The following ARK2C variants were observed in gnomAD, a reference collection of about 807,000 sequenced individuals.
The protein encoded by ARK2C is E3 ubiquitin-protein ligase ARK2C.
the ARK2C span, among the ~76,000 whole-genome samples, chr18:46,353,006 C>T: frequency 4.6e-5 from 7 of 152,308 alleles, no homozygotes; most frequent in African/African-American, 7.2e-5. Flanking sequence ...ATGGCTTCAC[C>T]CAAATAGGCA....
the ARK2C span, among the ~76,000 whole-genome samples, chr18:46,390,458 T>A: frequency 1.3e-5 from 2 of 152,196 alleles, no homozygotes; most frequent in Non-Finnish European, 2.9e-5. Flanking sequence ...TGAAGACGGG[T>A]CACTGCTTCT....
chr18:46,416,787 G>A, the ARK2C span, among the ~76,000 whole-genome samples: 1 of 152,238 alleles, frequency 6.6e-6, no homozygotes, highest in African/African-American at 2.4e-5. Context: ...GCCTGGGCTT[G>A]TTCTTATGGT....
At chr18:46,361,154 T>C in the ARK2C span, among the ~76,000 whole-genome samples, 1 of 152,168 alleles carries the variant, frequency 6.6e-6, no homozygotes, top group Admixed American at 6.5e-5. Context: ...GACACCATAC[T>C]GAGTCTTTTC....
the ARK2C span, among the ~76,000 whole-genome samples, chr18:46,409,463 G>A: frequency 2.0e-5 from 3 of 152,194 alleles, no homozygotes; most frequent in African/African-American, 7.2e-5. Flanking sequence ...AGGAAATGAA[G>A]TGAAGAAATG....
At chr18:46,433,204 A>G in the ARK2C span, 1 of 1,582,490 alleles carries the variant, frequency 6.3e-7, no homozygotes, top group Non-Finnish European at 8.6e-7. Context: ...CCCCTTTCAA[A>G]GGTCTCAGCA....
the ARK2C span, among the ~76,000 whole-genome samples, chr18:46,442,162 CA>C: frequency 2.4e-4 from 33 of 139,260 alleles, no homozygotes; most frequent in East Asian, 1.6e-3. Context: ...AACTCCGTCT[CA>C]AAAAAAAAAA....
At chr18:46,440,118 A>G in the ARK2C span, among the ~76,000 whole-genome samples, 1 of 152,164 alleles carries the variant, frequency 6.6e-6, no homozygotes, top group Non-Finnish European at 1.5e-5. Flanking sequence ...GTGAGCCACC[A>G]CGCCCAGATC....
At chr18:46,412,783 G>A in the ARK2C span, among the ~76,000 whole-genome samples, 1 of 152,176 alleles carries the variant, frequency 6.6e-6, no homozygotes, top group Non-Finnish European at 1.5e-5. Flanking sequence ...AACAGCCAAC[G>A]CGGAGTGACC....
At chr18:46,396,186 A>C in the ARK2C span, among the ~76,000 whole-genome samples, 1 of 152,234 alleles carries the variant, frequency 6.6e-6, no homozygotes, top group South Asian at 2.1e-4. Context: ...CAAGTCACAA[A>C]GCCAGCCCAC....
the ARK2C span, among the ~76,000 whole-genome samples, chr18:46,417,697 C>T: frequency 6.6e-5 from 10 of 152,200 alleles, no homozygotes; most frequent in South Asian, 6.2e-4. Context: ...TAGGCCAGTG[C>T]TGTCCAATAG....
the ARK2C span, among the ~76,000 whole-genome samples, chr18:46,384,165 C>T: frequency 2.0e-5 from 3 of 152,204 alleles, no homozygotes; most frequent in African/African-American, 7.2e-5. Flanking sequence ...GACCACTGCC[C>T]CGGCCGTGCT....
chr18:46,350,791 C>G, the ARK2C span, among the ~76,000 whole-genome samples: 1 of 152,154 alleles, frequency 6.6e-6, no homozygotes, highest in Admixed American at 6.5e-5. Flanking sequence ...AACAAGCTGG[C>G]GAGCCAGGCA....
chr18:46,398,855 A>G, the ARK2C span, among the ~76,000 whole-genome samples: 1 of 151,904 alleles, frequency 6.6e-6, no homozygotes, highest in African/African-American at 2.4e-5. Flanking sequence ...TCGTCTGGTC[A>G]TTATCTCAAA....
the ARK2C span, among the ~76,000 whole-genome samples, chr18:46,452,706 C>T: frequency 6.6e-6 from 1 of 152,100 alleles, no homozygotes. Context: ...AAAAGCTTGA[C>T]AAACATTAAG....
chr18:46,414,975 C>G, the ARK2C span, among the ~76,000 whole-genome samples: 1 of 152,180 alleles, frequency 6.6e-6, no homozygotes, highest in African/African-American at 2.4e-5. Context: ...CCTGCTGGGC[C>G]TTTATTCTCA....
chr18:46,356,250 G>A, the ARK2C span, among the ~76,000 whole-genome samples: 2 of 152,212 alleles, frequency 1.3e-5, no homozygotes, highest in African/African-American at 4.8e-5. Flanking sequence ...TTCTAGGTGC[G>A]GAGGATGCAG....
At chr18:46,369,073 T>C in the ARK2C span, among the ~76,000 whole-genome samples, 16 of 152,374 alleles carry the variant, frequency 1.1e-4, no homozygotes, top group East Asian at 2.9e-3. Flanking sequence ...AATTAATCTA[T>C]GTGTTTAAGT....
chr18:46,336,290 A>G, the ARK2C span: 5 of 985,316 alleles, frequency 5.1e-6, no homozygotes, highest in Non-Finnish European at 6.0e-6. Flanking sequence ...TCTAAATACC[A>G]TTGCAGGATG....
the ARK2C span, chr18:46,450,220 G>C: frequency 1.1e-6 from 1 of 893,058 alleles, no homozygotes; most frequent in Non-Finnish European, 1.9e-6. Context: ...GTGGGTTACA[G>C]GTGGAGAAGT....
Sources: gnomAD v4.1 joint callset for allele counts (sites outside exome capture counted in the v4.1 genomes callset) on GRCh38, gnomAD v4.1.1 for gene constraint, MANE v1.5 for transcripts, NCBI Gene and HGNC (gene_info 2026-07-23, HGNC 2026-07-21) for gene names.